The following ZNF526 variants were observed in gnomAD, a reference collection of about 807,000 sequenced individuals.
ZNF526 encodes the protein zinc finger protein 526.
In ZNF526, 16 loss-of-function variants were observed where a neutral mutation model predicts 32.4. The ratio of observed to expected loss-of-function variants is 0.49; its 90% CI spans 0.33 to 0.75. ZNF526 has a LOEUF of 0.75. Among genes scored for constraint, ZNF526 ranks in the 30% least tolerant of loss-of-function variants. ZNF526 has a pLI of 0.02. For synonymous variants in ZNF526, 355 were observed against 363.4 expected, an observed-to-expected ratio of 0.98 and a Z score of 0.26; for missense variants, 838 against 920.7, an observed-to-expected ratio of 0.91 and a Z score of 1.16.
Position 42,225,499 on chromosome 19 carries a change from G to A in ZNF526, c.1096G>A (p.Gly366Ser). The A allele has an allele frequency of 6.2e-7, 1 of 1,614,058 alleles. No individual in the cohort carries two copies. Among genetic ancestry groups the A allele is most frequent in the East Asian group, 2.2e-5 (1 of 44,888 alleles). Residue 366 changes from glycine (G) to serine (S), a missense_variant, in exon 3 of 3, where the codon GGC becomes AGC. By Grantham distance (56) the Gly-to-Ser change is moderately conservative. Transcript: ENST00000301215. Reference sequence around the variant, plus strand: ...AGCCCGCTACCTCTGTGTAGACTGTGGCCGCGGCTTTGGCACAGAACTCAC... The same window carrying A: ...AGCCCGCTACCTCTGTGTAGACTGTAGCCGCGGCTTTGGCACAGAACTCAC... ...GEARYLCVDC[G>S]RGFGTELTLV...
chr19:42,224,366 C>T (rs2036151216), intron 2 of ZNF526, 21 bp from the exon 3 acceptor site: 4 of 1,594,034 alleles, frequency 2.5e-6, no homozygotes, highest in Non-Finnish European at 3.4e-6. Context: ...GTCTCACTGG[C>T]TCCTGCCCCT....
rs958308158 is a variant in ZNF526, at chr19:42,227,205, C to T, written c.*789C>T. The T allele has an allele frequency of 1.2e-5, 2 of 167,348 alleles. No individual in the cohort carries two copies. The highest frequency in any genetic ancestry group is 6.5e-5 in the Admixed American group (1 of 15,302). The allele number at this position is 167,348 out of a possible 1,614,324, so 10.4% of individuals were successfully genotyped here. On this transcript the variant is annotated 3_prime_UTR_variant, in exon 3 of 3. Transcript: ENST00000301215. ...CAGTGGGATCCCAGGAAACAGACCT[C>T]CATGGTGGGAGATCAGGAGTTAAGG...
chr19:42,222,473 G>C (rs966592637), intron 1 of ZNF526, among the ~76,000 whole-genome samples: 1 of 152,174 alleles, frequency 6.6e-6, no homozygotes, highest in African/African-American at 2.4e-5. Flanking sequence ...AGGTAAAGAA[G>C]GTGGGTTTGA....
chr19:42,223,974 A>AATATATATATATAT (rs35211089), intron 1 of ZNF526, among the ~76,000 whole-genome samples: 33 of 110,606 alleles, frequency 3.0e-4, no homozygotes, highest in African/African-American at 7.7e-4. Flanking sequence ...TCTCTACTAA[A>AATATATATATATAT]ATATATATAT....
At chr19:42,224,163 GA>G (rs543492236) in intron 1 of ZNF526, 51 bp from the exon 2 acceptor site, 41,995 of 339,078 alleles carry the variant, frequency 0.12, 28 homozygotes, top group Middle Eastern at 0.14. Flanking sequence ...TGTCTCAGAA[GA>G]AAAAAAAAAA....
chr19:42,220,759 T>G (rs1218496467), intron 1 of ZNF526: 1 of 152,184 alleles, frequency 6.6e-6, no homozygotes, highest in African/African-American at 2.4e-5. Flanking sequence ...TAGTTCACAA[T>G]TCAAGAGTGG....
rs974195384 is a variant in ZNF526, at chr19:42,226,420, A to G, written c.*4A>G. On this transcript the variant is annotated 3_prime_UTR_variant, in exon 3 of 3. Coordinates refer to ENST00000301215, the MANE Select transcript of ZNF526 (RefSeq NM_133444.3). ...GTTGGACACGGCCTTCGTGTGACGC[A>G]GCTGAAAAGCAACAACAAAAGGGTT... 2 of 1,614,184 alleles carry G rather than the reference A, an allele frequency of 1.2e-6. No homozygotes were observed. The highest frequency in any genetic ancestry group is 1.7e-6 in the Non-Finnish European group (2 of 1,180,036).
At chr19:42,223,252 T>C (rs2036139490) in intron 1 of ZNF526, among the ~76,000 whole-genome samples, 1 of 152,196 alleles carries the variant, frequency 6.6e-6, no homozygotes, top group Non-Finnish European at 1.5e-5. Flanking sequence ...CTCACACCTG[T>C]AATCCCAGCA....
Position 42,226,398 on chromosome 19 carries a change from G to A in ZNF526, c.1995G>A (p.Leu665=). 6.2e-7 allele frequency: 1 copy of A among 1,614,232 alleles called. No individual in the cohort carries two copies. Among genetic ancestry groups the A allele is most frequent in the South Asian group, 1.1e-5 (1 of 91,082 alleles). Residue 665 remains leucine, a synonymous_variant, in exon 3 of 3, where the codon TTG becomes TTA. Transcript: ENST00000301215. ...GASEAGGLLQ[L]DTAFV is the part of the protein sequence containing the mutation. ...GTGAAGCAGGCGGGCTCTTGCAGTT[G>A]GACACGGCCTTCGTGTGACGCAGCT...
In ZNF526 at chr19:42,226,547, T is replaced by C. The variant is rs1330197228; in HGVS notation, c.*131T>C. 8.0e-7 allele frequency: 1 copy of C among 1,252,126 alleles called. No individual in the cohort carries two copies. The highest frequency in any genetic ancestry group is 1.5e-5 in the African/African-American group (1 of 67,566). 77.6% of individuals were successfully genotyped at this position (1,252,126 alleles called of 1,614,324 possible). ...GCCAGGATCCACCCTGGCCTCTTTT[T>C]ACCCACTGACTCCCCAGAACAACCC... On this transcript the variant is annotated 3_prime_UTR_variant, in exon 3 of 3. Coordinates refer to ENST00000301215, the MANE Select transcript of ZNF526 (RefSeq NM_133444.3).
In ZNF526 at chr19:42,226,459, C is replaced by T; in HGVS notation, c.*43C>T. The stretch of plus-strand genomic sequence containing the variant: ...AACAAAAGGGTTTGGTTGCAACAGC[C>T]AGTGTGGGTACCTCTGGGGAGAGAG... On this transcript the variant is annotated 3_prime_UTR_variant, in exon 3 of 3. Transcript: ENST00000301215. The T allele has an allele frequency of 6.2e-7, 1 of 1,613,596 alleles. No individual in the cohort carries two copies. The highest frequency in any genetic ancestry group is 8.5e-7 in the Non-Finnish European group (1 of 1,179,852).
chr19:42,224,709 G>C lies in ZNF526; in HGVS notation c.306G>C (p.Pro102=), dbSNP rs943397566. ...QNVGLEPELV[P]GAEGPFQCGE... is the part of the protein sequence containing the mutation. ...TTGGCCTGGAGCCGGAGCTGGTGCC[G>C]GGTGCTGAGGGGCCCTTCCAGTGTG... is the stretch of plus-strand genomic sequence containing the variant. Residue 102 remains proline, a synonymous_variant, in exon 3 of 3, where the codon CCG becomes CCC. Transcript: ENST00000301215. The C allele has an allele frequency of 1.9e-6, 3 of 1,614,138 alleles. No homozygotes were observed. Among genetic ancestry groups the C allele is most frequent in the South Asian group, 1.1e-5 (1 of 91,078 alleles).
chr19:42,221,828 A>G (rs1430001519), intron 1 of ZNF526, among the ~76,000 whole-genome samples: 1 of 150,904 alleles, frequency 6.6e-6, no homozygotes, highest in Admixed American at 6.6e-5. Context: ...AAAGGAGGAA[A>G]AAAAAAAAAA....
rs371512592 is a variant in ZNF526, at chr19:42,224,859, C to T, written c.456C>T (p.Pro152=). The change falls in exon 3 of 3, where the codon CCC becomes CCT. Residue 152 remains proline (P), a synonymous_variant. Coordinates refer to ENST00000301215, the MANE Select transcript of ZNF526 (RefSeq NM_133444.3). ...CWDCQELFPS[P]ELWVAHRKAQ... Reference sequence around the variant, plus strand: ...ACTGCCAGGAGCTGTTCCCCTCGCCCGAGCTGTGGGTGGCTCATCGAAAGG... The same window carrying T: ...ACTGCCAGGAGCTGTTCCCCTCGCCTGAGCTGTGGGTGGCTCATCGAAAGG... The T allele has an allele frequency of 8.7e-6, 14 of 1,613,852 alleles. No homozygotes were observed. The East Asian group carries it at 1.1e-4, about 13-fold the overall frequency.
chr19:42,221,995 T>C (rs2036129189), intron 1 of ZNF526, among the ~76,000 whole-genome samples: 1 of 152,086 alleles, frequency 6.6e-6, no homozygotes, highest in Non-Finnish European at 1.5e-5. Context: ...AAATATGTAC[T>C]GTGTGCTAGA....
chr19:42,225,799 G>A lies in ZNF526; in HGVS notation c.1396G>A (p.Gly466Arg), dbSNP rs141088005. 12 of 1,611,866 alleles carry A rather than the reference G, an allele frequency of 7.4e-6. No homozygotes were observed. The Admixed American group carries it at 1.0e-4, about 13-fold the overall frequency. The change falls in exon 3 of 3, where the codon GGG becomes AGG. Residue 466 changes from glycine to arginine, a missense_variant. Physicochemically the swap from Gly to Arg is moderately radical, Grantham distance 125. Coordinates refer to ENST00000301215, the MANE Select transcript of ZNF526 (RefSeq NM_133444.3). ...GTCCCGGCACCGGCGTGCAGTACAC[G>A]GGCCCCCTGAACGGCGTCACCGCTG... is the stretch of plus-strand genomic sequence containing the variant. ...RLSRHRRAVH[G>R]PPERRHRCGV...
rs773608237 is a variant in ZNF526 at position 42,226,354 on chromosome 19, C to G, written c.1951C>G (p.Gln651Glu). The part of the protein sequence containing the change: ...LALEDTLQLC[Q>E]AALGASEAGG... Reference sequence around the variant, plus strand: ...GCTTGAGGACACCCTGCAGCTGTGCCAGGCTGCACTGGGGGCCAGTGAAGC... The same window carrying G: ...GCTTGAGGACACCCTGCAGCTGTGCGAGGCTGCACTGGGGGCCAGTGAAGC... The change falls in exon 3 of 3, where the codon CAG becomes GAG. Residue 651 changes from glutamine (Q) to glutamate (E), a missense_variant. Gln to Glu is a conservative substitution (Grantham distance 29, BLOSUM62 2). Transcript: ENST00000301215. 3.3e-5 allele frequency: 53 copies of G among 1,614,102 alleles called. No homozygotes were observed. The highest frequency in any genetic ancestry group is 4.2e-5 in the Non-Finnish European group (49 of 1,180,036).
chr19:42,225,256 G>A lies in ZNF526; in HGVS notation c.853G>A (p.Ala285Thr), dbSNP rs551317806. 3.5e-5 allele frequency: 57 copies of A among 1,613,690 alleles called. 1 individual carries two copies. Among genetic ancestry groups the A allele is most frequent in the Non-Finnish European group, 4.7e-5 (55 of 1,179,804 alleles). The change falls in exon 3 of 3, where the codon GCA becomes ACA. Residue 285 changes from alanine (A) to threonine (T), a missense_variant. Physicochemically the swap from Ala to Thr is moderately conservative, Grantham distance 58 (BLOSUM62 0). Transcript: ENST00000301215. ...CGDCPQHQPSAGARRQHRRTA... is the reference protein window; with the variant it reads ...CGDCPQHQPSTGARRQHRRTA... The stretch of plus-strand genomic sequence containing the variant: ...GGACTGTCCCCAGCACCAGCCCTCA[G>A]CAGGGGCTCGCCGGCAACACCGGCG...
Position 42,225,829 on chromosome 19 carries a change from G to A in ZNF526, c.1426G>A (p.Val476Ile). The A allele has an allele frequency of 6.2e-7, 1 of 1,614,066 alleles. No individual in the cohort carries two copies. Among genetic ancestry groups the A allele is most frequent in the Non-Finnish European group, 8.5e-7 (1 of 1,180,026 alleles). Reference sequence around the variant, plus strand: ...CCCTGAACGGCGTCACCGCTGTGGGGTTTGTGGCAAGGGCTTCAAGAAGCT... The same window carrying A: ...CCCTGAACGGCGTCACCGCTGTGGGATTTGTGGCAAGGGCTTCAAGAAGCT... Reference protein sequence around the residue: ...GPPERRHRCGVCGKGFKKLIH... With the variant: ...GPPERRHRCGICGKGFKKLIH... The change falls in exon 3 of 3, where the codon GTT becomes ATT. Residue 476 changes from valine (V) to isoleucine (I), a missense_variant. Transcript: ENST00000301215.
Sources: allele counts gnomAD v4.1 joint callset (sites outside exome capture counted in the v4.1 genomes callset), GRCh38; gene constraint gnomAD v4.1.1; transcripts MANE v1.5; gene names NCBI Gene and HGNC (gene_info 2026-07-23, HGNC 2026-07-21).